ITGB3BP: variants seen among roughly 807,000 people sequenced by gnomAD.
ITGB3BP encodes centromere protein R.
In ITGB3BP, 27 loss-of-function variants were observed where a neutral mutation model predicts 29.1. The observed-to-expected ratio is 0.93, with a 90% CI of 0.68 to 1.28. The LOEUF (loss-of-function observed/expected upper bound fraction) is 1.28. Ranked by LOEUF, ITGB3BP falls within the 50% of genes most tolerant of loss-of-function variation. The pLI is 0.00. For missense variants in ITGB3BP, 192 were observed against 200.2 expected (o/e 0.96, Z 0.25); for synonymous variants, 61 against 61.4 (o/e 0.99, Z 0.03).
chr1:63,502,219 G>A (rs1645949279), intron 2 of ITGB3BP, among the ~76,000 whole-genome samples: 1 of 152,118 alleles, frequency 6.6e-6, no homozygotes, highest in Non-Finnish European at 1.5e-5. Flanking sequence ...ACTCAAGCAG[G>A]CCAAATACAG....
chr1:63,525,750 CT>C, upstream of ITGB3BP: 3 of 1,560,562 alleles, frequency 1.9e-6, no homozygotes. Flanking sequence ...TAAAGATCAA[CT>C]TTACTTAGGT....
chr1:63,465,890 A>AT (rs200136197), intron 4 of ITGB3BP, among the ~76,000 whole-genome samples: 14 of 150,512 alleles, frequency 9.3e-5, no homozygotes, highest in East Asian at 1.9e-4. Flanking sequence ...TTTTAATTAA[A>AT]TTTTTTTTTT....
intron 2 of ITGB3BP, among the ~76,000 whole-genome samples, chr1:63,493,333 T>C (rs1389064984): frequency 2.0e-5 from 3 of 152,220 alleles, no homozygotes; most frequent in South Asian, 4.1e-4. Flanking sequence ...GAGAATCACT[T>C]GGACCCAGGA....
In ITGB3BP at chr1:63,453,918, C is replaced by T. The variant is rs767182702; in HGVS notation, c.484G>A (p.Ala162Thr). Residue 162 changes from alanine (A) to threonine (T), a missense_variant and splice_region_variant, in exon 7 of 9, where the codon GCA becomes ACA. Transcript: ENST00000271002. ...AATAAACTAAAACACAACTACTTAC[C>T]TTTGTGAGGAAGTCCTGTACTCTTT... is the stretch of plus-strand genomic sequence containing the variant. Reference protein sequence around the residue: ...FEKSTGLPHKASRHLDSYEFL... With the variant: ...FEKSTGLPHKTSRHLDSYEFL... 73 of 1,569,026 alleles carry T rather than the reference C, an allele frequency of 4.7e-5. No individual in the cohort carries two copies. In the South Asian group the frequency reaches 8.0e-4, roughly 17 times the overall value.
chr1:63,480,548 GA>G (rs1645420473), intron 3 of ITGB3BP, among the ~76,000 whole-genome samples: 1 of 151,772 alleles, frequency 6.6e-6, no homozygotes, highest in East Asian at 1.9e-4. Context: ...ACAGTCAAAC[GA>G]AACTCAATTT....
intron 2 of ITGB3BP, among the ~76,000 whole-genome samples, chr1:63,496,094 ATTT>A (rs760733420): frequency 2.8e-5 from 4 of 140,608 alleles, no homozygotes; most frequent in African/African-American, 1.0e-4. Flanking sequence ...GGCCACTACA[ATTT>A]TTTTTTTTTT....
intron 2 of ITGB3BP, among the ~76,000 whole-genome samples, chr1:63,499,393 C>T (rs987960640): frequency 2.6e-5 from 4 of 152,048 alleles, no homozygotes; most frequent in Admixed American, 2.6e-4. Context: ...TCAGGTGATC[C>T]ACCTGCCTGG....
At chr1:63,500,952 CAT>C (rs1017687811) in intron 2 of ITGB3BP, among the ~76,000 whole-genome samples, 2 of 152,084 alleles carry the variant, frequency 1.3e-5, no homozygotes, top group East Asian at 1.9e-4. Flanking sequence ...GGCATAAACA[CAT>C]ATATATAGAT....
intron 4 of ITGB3BP, among the ~76,000 whole-genome samples, chr1:63,473,149 CG>C (rs1645240583): frequency 6.9e-6 from 1 of 144,204 alleles, no homozygotes; most frequent in Admixed American, 7.0e-5. Context: ...ATGTGAGGAC[CG>C]CCTCTGCTGG....
chr1:63,451,277 T>C (rs1644856210), intron 7 of ITGB3BP, among the ~76,000 whole-genome samples: 1 of 151,918 alleles, frequency 6.6e-6, no homozygotes, highest in Non-Finnish European at 1.5e-5. Flanking sequence ...AACAAGTAAT[T>C]GGCTTATTCT....
intron 1 of ITGB3BP, among the ~76,000 whole-genome samples, chr1:63,511,873 CACA>C (rs796090195): frequency 7.9e-5 from 12 of 151,996 alleles, no homozygotes; most frequent in African/African-American, 2.7e-4. Flanking sequence ...GTGATGGTTG[CACA>C]ACAAGGTAAA....
In ITGB3BP at chr1:63,486,189, T is replaced by C. The variant is rs934644838; in HGVS notation, c.184+3894A>G. ...ACAGATCTATTGTCCAGTTAACAAG[T>C]ACTCTCTTCGACTATGCAAATTTGT... On this transcript the variant is annotated intron_variant, in intron 3 of 8. Transcript: ENST00000271002. Among the ~76,000 whole-genome samples, 10 of 152,104 alleles carry C rather than the reference T, an allele frequency of 6.6e-5. No homozygotes were observed. In the East Asian group the frequency reaches 7.7e-4, roughly 12 times the overall value.
chr1:63,514,919 C>G (rs1050286757), intron 1 of ITGB3BP, among the ~76,000 whole-genome samples: 2 of 140,708 alleles, frequency 1.4e-5, no homozygotes, highest in African/African-American at 5.5e-5. Flanking sequence ...GCACTCCAGC[C>G]TGGTGACAGA....
At chr1:63,468,552 C>T (rs1374724237) in intron 4 of ITGB3BP, among the ~76,000 whole-genome samples, 1 of 151,598 alleles carries the variant, frequency 6.6e-6, no homozygotes, top group Non-Finnish European at 1.5e-5. Flanking sequence ...ATGGTGAAAG[C>T]CCGTCTCTAC....
At chr1:63,508,415 C>A in intron 2 of ITGB3BP, 113 bp downstream of exon 2, 1 of 590,190 alleles carries the variant, frequency 1.7e-6, no homozygotes, top group Non-Finnish European at 3.0e-6. Flanking sequence ...TTATATCACA[C>A]TGTGATATAA....
chr1:63,495,415 T>C (rs978484046), intron 2 of ITGB3BP, among the ~76,000 whole-genome samples: 12 of 152,308 alleles, frequency 7.9e-5, no homozygotes, highest in Admixed American at 4.6e-4. Flanking sequence ...AAAGGAAAGA[T>C]AGCTGTGGTA....
chr1:63,444,531 T>C (rs1176099785), intron 8 of ITGB3BP, among the ~76,000 whole-genome samples: 2 of 147,544 alleles, frequency 1.4e-5, no homozygotes, highest in Non-Finnish European at 3.0e-5. Context: ...TATGTACATA[T>C]ATGTAGGATA....
chr1:63,502,726 C>T (rs1055049262), intron 2 of ITGB3BP, among the ~76,000 whole-genome samples: 4 of 143,324 alleles, frequency 2.8e-5, no homozygotes, highest in African/African-American at 5.1e-5. Context: ...CATGTGTTCT[C>T]GTTGTTCAAT....
intron 4 of ITGB3BP, among the ~76,000 whole-genome samples, chr1:63,455,502 T>G (rs1204103994): frequency 6.6e-6 from 1 of 151,948 alleles, no homozygotes; most frequent in African/African-American, 2.4e-5. Flanking sequence ...TGAAGTGCAG[T>G]GGTGTGATCA....
Sources: gnomAD v4.1 joint callset for allele counts (sites outside exome capture counted in the v4.1 genomes callset) on GRCh38, gnomAD v4.1.1 for gene constraint, MANE v1.5 for transcripts, NCBI Gene and HGNC (gene_info 2026-07-23, HGNC 2026-07-21) for gene names.